The following EP400 variants were observed in gnomAD, a reference collection of about 807,000 sequenced individuals.
The protein encoded by EP400 is E1A-binding protein p400.
EP400 carries 105 observed loss-of-function variants against 354.1 expected under a neutral mutation model. The ratio of observed to expected loss-of-function variants is 0.30; its 90% CI spans 0.25 to 0.35. The LOEUF (loss-of-function observed/expected upper bound fraction) is 0.35, where lower values mean the gene tolerates loss of function less well. Ranked by LOEUF, EP400 falls within the 10% of genes least tolerant of loss-of-function variation. The pLI, the probability that EP400 is intolerant of heterozygous loss-of-function variation, is 1.00. For synonymous variants in EP400, 1,646 were observed against 1,716.9 expected (o/e 0.96, Z 1.02); for missense variants, 3,280 against 4,121.0 (o/e 0.80, Z 5.59).
At position 132,062,334 on chromosome 12, in the gene EP400, G is replaced by T; in HGVS notation, c.8098+11G>T. 6.2e-7 allele frequency: 1 copy of T among 1,613,752 alleles called. No homozygotes were observed. The highest frequency in any genetic ancestry group is 8.5e-7 in the Non-Finnish European group (1 of 1,179,632). On this transcript the variant is annotated intron_variant, in intron 46 of 52. Transcript: ENST00000389561. Reference sequence around the variant, plus strand: ...CCCAAGTGTCCCAAGGTAAAGCCAGGCTGGGAGCTTTCTCTGCCACACGTC... The same window carrying T: ...CCCAAGTGTCCCAAGGTAAAGCCAGTCTGGGAGCTTTCTCTGCCACACGTC...
In EP400 at chr12:131,990,180, C is replaced by T. The variant is rs1892985612; in HGVS notation, c.2550+76C>T. The T allele has an allele frequency of 2.2e-5, 34 of 1,516,396 alleles. No individual in the cohort carries two copies. The highest frequency in any genetic ancestry group is 2.8e-5 in the Non-Finnish European group (32 of 1,131,320). The allele number at this position is 1,516,396 out of a possible 1,614,324, so 93.9% of individuals were successfully genotyped here. On this transcript the variant is annotated intron_variant, in intron 8 of 52. Coordinates refer to ENST00000389561, the MANE Select transcript of EP400 (RefSeq NM_015409.5). This position sits in a 1 kb window ranked among gnomAD's most constrained non-coding sequence, Gnocchi z 4.2. ...GTGAGGCCACTTCCCGAGACCAGAG[C>T]TCGGGCACCTTGCTTAGGAAGCTTT...
At chr12:131,995,814 C>T (rs1038926056) in intron 12 of EP400, among the ~76,000 whole-genome samples, 1 of 148,588 alleles carries the variant, frequency 6.7e-6, no homozygotes, top group Non-Finnish European at 1.5e-5. Context: ...GAACGAATCC[C>T]ACCGCAGCTT....
At position 131,994,409 on chromosome 12, in the gene EP400, C is replaced by T. The variant is rs1893139065; in HGVS notation, c.2738-458C>T. Among the ~76,000 whole-genome samples the T allele has an allele frequency of 6.6e-6, 1 of 151,920 alleles. No homozygotes were observed. Among genetic ancestry groups the T allele is most frequent in the African/African-American group, 2.4e-5 (1 of 41,350 alleles). On this transcript the variant is annotated intron_variant, in intron 11 of 52. Transcript: ENST00000389561. This position sits in a 1 kb window ranked among gnomAD's most constrained non-coding sequence, Gnocchi z 4.6. The stretch of plus-strand genomic sequence containing the variant: ...GCCAAGATCTCTATGGCGAGTGAGG[C>T]GTGAGGTTCAGGGCTGGAGGGCTGA...
Position 131,982,350 on chromosome 12 carries a change from G to T in EP400, c.1801G>T (p.Val601Phe). 1.2e-6 allele frequency: 2 copies of T among 1,614,128 alleles called. No homozygotes were observed. The highest frequency in any genetic ancestry group is 1.7e-6 in the Non-Finnish European group (2 of 1,180,022). The change falls in exon 5 of 53, where the codon GTT becomes TTT. Residue 601 changes from valine to phenylalanine, a missense_variant. Coordinates refer to ENST00000389561, the MANE Select transcript of EP400 (RefSeq NM_015409.5). Reference sequence around the variant, plus strand: ...CCCGGTGAAGACTCAGCAGCCCAATGTTCCCATCCCTGCACCGCCCAGCAG... The same window carrying T: ...CCCGGTGAAGACTCAGCAGCCCAATTTTCCCATCCCTGCACCGCCCAGCAG... ...QIPVKTQQPN[V>F]PIPAPPSSQL... is the part of the protein sequence containing the mutation.
chr12:132,056,892 TCAC>T (rs536057532), intron 45 of EP400, among the ~76,000 whole-genome samples: 42 of 152,280 alleles, frequency 2.8e-4, no homozygotes, highest in Non-Finnish European at 3.5e-4. Flanking sequence ...AGCAGTCACT[TCAC>T]CAAGAAGCTA....
chr12:132,059,894 G>A (rs939137592), intron 45 of EP400, among the ~76,000 whole-genome samples: 21 of 151,872 alleles, frequency 1.4e-4, no homozygotes, highest in East Asian at 1.3e-3. Context: ...GTGGTGGCAC[G>A]CGTGTGTAGT....
Position 132,070,456 on chromosome 12 carries a change from C to T in EP400, c.9021+815C>T, listed in dbSNP as rs1170222619. On this transcript the variant is annotated intron_variant, in intron 51 of 52. Coordinates refer to ENST00000389561, the MANE Select transcript of EP400 (RefSeq NM_015409.5). The surrounding 1 kb of genome is among the most constrained non-coding windows in gnomAD (Gnocchi z 4.1). ...TCTTGTCTCAGAGGCCATGCTGGTC[C>T]CACGGCGCTCTCGCTATGAGCGGCA... is the stretch of plus-strand genomic sequence containing the variant. Among the ~76,000 whole-genome samples the T allele has an allele frequency of 2.0e-5, 3 of 152,362 alleles. 1 individual carries two copies. The South Asian group carries it at 6.2e-4, about 32-fold the overall frequency.
intron 39 of EP400, 100 bp downstream of exon 39, chr12:132,046,000 C>G: frequency 7.0e-7 from 1 of 1,425,968 alleles, no homozygotes; most frequent in African/African-American, 1.4e-5. Flanking sequence ...TGACTGGGCT[C>G]CTTCATCCCT....
intron 39 of EP400, among the ~76,000 whole-genome samples, chr12:132,049,245 A>G (rs1895216001): frequency 6.6e-6 from 1 of 152,202 alleles, no homozygotes; most frequent in African/African-American, 2.4e-5. Flanking sequence ...CGGTCTTTCC[A>G]TCTCTGACTT....
chr12:132,017,431 G>T lies in EP400; in HGVS notation c.3924-104G>T. 2.4e-6 allele frequency: 3 copies of T among 1,270,292 alleles called. No homozygotes were observed. Among genetic ancestry groups the T allele is most frequent in the Non-Finnish European group, 2.2e-6 (2 of 908,156 alleles). 78.7% of individuals were successfully genotyped at this position (1,270,292 alleles called of 1,614,324 possible). ...CTCATTAAGCGGACCTAGAAAATCT[G>T]CTCCTGCCTGCCTTTCTGGAGTTGG... On this transcript the variant is annotated intron_variant, in intron 19 of 52. Coordinates refer to ENST00000389561, the MANE Select transcript of EP400 (RefSeq NM_015409.5). This position sits in a 1 kb window ranked among gnomAD's most constrained non-coding sequence, Gnocchi z 5.0.
At position 132,013,569 on chromosome 12, in the gene EP400, C is replaced by G; in HGVS notation, c.3691C>G (p.Pro1231Ala). Residue 1231 changes from proline to alanine, a missense_variant, in exon 18 of 53, where the codon CCA becomes GCA. Around this residue, in one of 20 missense-constraint regions of EP400, gnomAD observed 242 missense variants for 357.9 expected, o/e 0.68. Coordinates refer to ENST00000389561, the MANE Select transcript of EP400 (RefSeq NM_015409.5). This position sits in a 1 kb window ranked among gnomAD's most constrained non-coding sequence, Gnocchi z 4.5. ...ELWTMVHFLV[P>A]GISRPYLSSP... ...CTGGACCATGGTGCACTTCCTGGTC[C>G]CAGGGATCTCCAGGCCCTACCTGAG... The G allele has an allele frequency of 1.2e-6, 2 of 1,613,794 alleles. No homozygotes were observed. The highest frequency in any genetic ancestry group is 1.7e-6 in the Non-Finnish European group (2 of 1,179,850).
intron 51 of EP400, among the ~76,000 whole-genome samples, chr12:132,074,671 C>G (rs758153401): frequency 6.6e-6 from 1 of 152,182 alleles, no homozygotes; most frequent in Admixed American, 6.5e-5. Context: ...GTGTCTTTGT[C>G]TCGTCGTACT....
Position 131,982,292 on chromosome 12 carries a change from G to C in EP400, c.1743G>C (p.Pro581=), listed in dbSNP as rs914598377. ...LSSALQFAQQ[P]QVVEAQTQLQ... ...CTGCGCTGCAGTTTGCACAGCAGCC[G>C]CAAGTGGTAGAGGCCCAGACACAGC... Residue 581 remains proline, a synonymous_variant, in exon 5 of 53, where the codon CCG becomes CCC. Transcript: ENST00000389561. 3 of 1,614,058 alleles carry C rather than the reference G, an allele frequency of 1.9e-6. No homozygotes were observed. The highest frequency in any genetic ancestry group is 2.5e-6 in the Non-Finnish European group (3 of 1,180,040).
intron 23 of EP400, among the ~76,000 whole-genome samples, chr12:132,021,812 A>G (rs981973940): frequency 3.3e-5 from 5 of 152,240 alleles, no homozygotes; most frequent in African/African-American, 1.2e-4. Flanking sequence ...TTGCTCAACC[A>G]AGATAACTTG....
chr12:131,992,256 T>C (rs1170944182), intron 11 of EP400, 26 bp downstream of exon 11: 2 of 1,601,628 alleles, frequency 1.2e-6, no homozygotes, highest in Non-Finnish European at 1.7e-6. Flanking sequence ...GCACTATCTT[T>C]GTCATCTCCA....
intron 3 of EP400, 39 bp from the exon 4 acceptor site, chr12:131,981,450 T>C (rs1892677845): frequency 2.7e-6 from 4 of 1,490,280 alleles, no homozygotes; most frequent in Non-Finnish European, 9.1e-7. Context: ...CTGGTTTTAT[T>C]TTTACATCAA....
rs1896010181 is a variant in EP400 at position 132,069,625 on chromosome 12, T to C, written c.9005T>C (p.Val3002Ala). 1 of 1,614,068 alleles carries C rather than the reference T, an allele frequency of 6.2e-7. No homozygotes were observed. Among genetic ancestry groups the C allele is most frequent in the Non-Finnish European group, 8.5e-7 (1 of 1,180,018 alleles). ...CAGAAACTGGCCGGGGCCCAGCAAG[T>C]GCAGACCCAGATCCAGGTGAGCGGG... ...QAQKLAGAQQVQTQIQVAKLP... is the reference protein window; with the variant it reads ...QAQKLAGAQQAQTQIQVAKLP... Residue 3002 changes from valine (V) to alanine (A), a missense_variant, in exon 51 of 53, where the codon GTG (valine) becomes GCG (alanine). This residue lies in a region of EP400 where 279 missense variants were observed against 386.7 expected (regional missense o/e 0.72). Transcript: ENST00000389561.
intron 45 of EP400, 69 bp downstream of exon 45, chr12:132,055,277 ATTC>A (rs954174852): frequency 4.8e-5 from 60 of 1,259,204 alleles, no homozygotes; most frequent in South Asian, 2.5e-4. Context: ...TTGTCTGTTA[ATTC>A]TTCTTCTTCT....
rs555257661 is a variant in EP400, at chr12:131,995,817, C to T, written c.2827+861C>T. Among the ~76,000 whole-genome samples, 15 of 148,732 alleles carry T rather than the reference C, an allele frequency of 1.0e-4. No homozygotes were observed. In the South Asian group the frequency reaches 2.9e-3, roughly 29 times the overall value. ...AGAACTTCATGTGAACGAATCCCAC[C>T]GCAGCTTGACTGAATGTGCCGTTCA... is the stretch of plus-strand genomic sequence containing the variant. On this transcript the variant is annotated intron_variant, in intron 12 of 52. Transcript: ENST00000389561.
Sources: allele counts gnomAD v4.1 joint callset (sites outside exome capture counted in the v4.1 genomes callset), GRCh38; gene constraint gnomAD v4.1.1; regional missense constraint gnomAD v4.1.1; non-coding constraint Gnocchi (gnomAD v3.1); transcripts MANE v1.5; gene names NCBI Gene and HGNC (gene_info 2026-07-23, HGNC 2026-07-21).